The following ASPH variants were observed in gnomAD, a reference collection of about 807,000 sequenced individuals.
ASPH encodes aspartyl/asparaginyl beta-hydroxylase.
Under a neutral mutation model 118.4 loss-of-function variants are expected in ASPH, and 100 were observed. That is an observed-to-expected ratio of 0.84 (90% CI 0.72 to 1.00). The LOEUF is 1.00. Among genes scored for constraint, ASPH ranks in the 50% least tolerant of loss-of-function variants. The pLI, the probability that ASPH is intolerant of heterozygous loss-of-function variation, is 0.00. For missense variants in ASPH, 920 were observed against 919.5 expected, an observed-to-expected ratio of 1.00 and a Z score of -0.01; for synonymous variants, 315 against 325.6, an observed-to-expected ratio of 0.97 and a Z score of 0.35.
At chr8:61,689,833 G>C in intron 1 of ASPH, 1 of 1,410,092 alleles carries the variant, frequency 7.1e-7, no homozygotes, top group South Asian at 1.7e-5. Context: ...GCACTGTAAG[G>C]GCCTCTAGAA....
chr8:61,663,038 C>G, intron 3 of ASPH: 1 of 985,338 alleles, frequency 1.0e-6, no homozygotes, highest in African/African-American at 1.7e-5. Flanking sequence ...AACAAAAAAT[C>G]TTTAGTGAAG....
intron 3 of ASPH, among the ~76,000 whole-genome samples, chr8:61,671,986 A>T (rs1822782890): frequency 6.6e-6 from 1 of 152,100 alleles, no homozygotes; most frequent in South Asian, 2.1e-4. Flanking sequence ...CACTTCAGCC[A>T]CTCTCACCAT....
chr8:61,695,707 A>G (rs2151826057), intron 1 of ASPH, among the ~76,000 whole-genome samples: 2 of 152,346 alleles, frequency 1.3e-5, no homozygotes, highest in East Asian at 3.9e-4. Flanking sequence ...TCATGCAACA[A>G]GGAACTGAAT....
chr8:61,656,333 A>G (rs1373144372), intron 3 of ASPH: 1 of 152,230 alleles, frequency 6.6e-6, no homozygotes, highest in Non-Finnish European at 1.5e-5. Context: ...GGCTGACTGC[A>G]TCGCAGGTCA....
At chr8:61,602,853 T>C (rs1844441216) in intron 14 of ASPH, among the ~76,000 whole-genome samples, 1 of 146,190 alleles carries the variant, frequency 6.8e-6, no homozygotes, top group Non-Finnish European at 1.5e-5. Flanking sequence ...GAAGTTGTTA[T>C]AATAAACATA....
At chr8:61,586,317 A>G (rs1174534227) in intron 14 of ASPH, among the ~76,000 whole-genome samples, 1 of 152,214 alleles carries the variant, frequency 6.6e-6, no homozygotes, top group African/African-American at 2.4e-5. Flanking sequence ...TTTCTCCTGC[A>G]TCACGAAAAT....
At chr8:61,647,444 G>A (rs556395434) in intron 5 of ASPH, among the ~76,000 whole-genome samples, 8 of 152,268 alleles carry the variant, frequency 5.3e-5, no homozygotes, top group Non-Finnish European at 1.2e-4. Context: ...GCTGAGGCAG[G>A]CAGATCACTT....
intron 2 of ASPH, among the ~76,000 whole-genome samples, chr8:61,682,219 C>T (rs1394528102): frequency 6.6e-6 from 1 of 151,978 alleles, no homozygotes; most frequent in African/African-American, 2.4e-5. Flanking sequence ...GATGTTATTT[C>T]AACTGCTAAG....
chr8:61,653,693 T>A (rs1218056570), intron 3 of ASPH, 33 bp from the exon 4 acceptor site: 1 of 1,600,330 alleles, frequency 6.2e-7, no homozygotes, highest in Admixed American at 1.7e-5. Flanking sequence ...TTAACTTGAG[T>A]TTTTGTGGGG....
At chr8:61,710,368 G>C (rs1179385118) in intron 1 of ASPH, among the ~76,000 whole-genome samples, 1 of 152,144 alleles carries the variant, frequency 6.6e-6, no homozygotes, top group African/African-American at 2.4e-5. Context: ...CAACAAGATG[G>C]ATAGACCCTA....
At chr8:61,517,323 G>T in intron 24 of ASPH, 1 of 617,534 alleles carries the variant, frequency 1.6e-6, no homozygotes, top group Non-Finnish European at 2.6e-6. Flanking sequence ...TAATGGAGGA[G>T]GGCAGCCCTA....
chr8:61,675,276 TA>T, intron 3 of ASPH: 1 of 895,522 alleles, frequency 1.1e-6, no homozygotes, highest in East Asian at 1.2e-4. Context: ...TGAATAATTT[TA>T]ATATGTACAA....
chr8:61,587,063 C>A (rs1839691505), intron 14 of ASPH, among the ~76,000 whole-genome samples: 1 of 152,146 alleles, frequency 6.6e-6, no homozygotes, highest in African/African-American at 2.4e-5. Flanking sequence ...TCTTTTAATT[C>A]AACTTTCATC....
chr8:61,569,551 A>C (rs1461905288), intron 16 of ASPH, among the ~76,000 whole-genome samples: 1 of 151,920 alleles, frequency 6.6e-6, no homozygotes, highest in Non-Finnish European at 1.5e-5. Flanking sequence ...AATCAGCACA[A>C]ATTGACAAAA....
chr8:61,699,183 T>C (rs1458093329), intron 1 of ASPH, among the ~76,000 whole-genome samples: 1 of 152,236 alleles, frequency 6.6e-6, no homozygotes, highest in African/African-American at 2.4e-5. Flanking sequence ...TTTGCCTAAC[T>C]TCTTGCAGAA....
At chr8:61,599,586 G>T (rs1843386943) in intron 14 of ASPH, among the ~76,000 whole-genome samples, 1 of 150,912 alleles carries the variant, frequency 6.6e-6, no homozygotes, top group African/African-American at 2.4e-5. Flanking sequence ...ATAAAAATGA[G>T]ACATTTTAAC....
intron 6 of ASPH, among the ~76,000 whole-genome samples, chr8:61,645,785 T>C (rs1269513572): frequency 1.3e-5 from 2 of 152,238 alleles, no homozygotes; most frequent in Non-Finnish European, 2.9e-5. Flanking sequence ...TTTTTGGAAA[T>C]ACATGTACTC....
intron 21 of ASPH, among the ~76,000 whole-genome samples, chr8:61,539,742 C>G (rs369756486): frequency 0.018 from 895 of 50,538 alleles, 1 homozygote; most frequent in East Asian, 0.079. Context: ...GTGTGTGTGT[C>G]TGTCCCTCTC....
chr8:61,676,274 T>C (rs761605080), intron 3 of ASPH: 3 of 1,589,270 alleles, frequency 1.9e-6, no homozygotes, highest in Non-Finnish European at 8.5e-7. Flanking sequence ...ATTAAGGACT[T>C]CCTCAAGAGA....
Sources: allele counts gnomAD v4.1 joint callset (sites outside exome capture counted in the v4.1 genomes callset), GRCh38; gene constraint gnomAD v4.1.1; transcripts MANE v1.5; gene names NCBI Gene and HGNC (gene_info 2026-07-23, HGNC 2026-07-21).